The following PRDM16 variants were observed in gnomAD, a reference collection of about 807,000 sequenced individuals.
PRDM16 encodes the protein PR/SET domain 16, also known as histone-lysine N-methyltransferase PRDM16.
A neutral mutation model predicts 110.6 loss-of-function variants in PRDM16; 23 were observed. The observed-to-expected ratio is 0.21, with a 90% CI of 0.15 to 0.29. PRDM16 has a LOEUF of 0.29. Ranked by LOEUF, PRDM16 falls within the 10% of genes least tolerant of loss-of-function variation. The pLI, the probability that PRDM16 is intolerant of heterozygous loss-of-function variation, is 1.00. For synonymous variants in PRDM16, 799 were observed against 781.8 expected, an observed-to-expected ratio of 1.02 and a Z score of -0.37; for missense variants, 1,615 against 1,794.3, an observed-to-expected ratio of 0.90 and a Z score of 1.81.
chr1:3,209,389 A>G lies in PRDM16; in HGVS notation c.387+22915A>G, dbSNP rs925338989. On this transcript the variant is annotated intron_variant, in intron 2 of 16. Transcript: ENST00000270722. This position sits in a 1 kb window ranked among gnomAD's most constrained non-coding sequence, Gnocchi z 4.6. Reference sequence around the variant, plus strand: ...CCGACTGGCACACCTGCCCCGAGTCACCTGGGACGGACTGCAGCCAGCCAG... The same window carrying G: ...CCGACTGGCACACCTGCCCCGAGTCGCCTGGGACGGACTGCAGCCAGCCAG... Among the ~76,000 whole-genome samples, 1 of 152,126 alleles carries G rather than the reference A, an allele frequency of 6.6e-6. No individual in the cohort carries two copies. Among genetic ancestry groups the G allele is most frequent in the Non-Finnish European group, 1.5e-5 (1 of 68,030 alleles).
At chr1:3,238,920 C>T (rs546322080) in intron 2 of PRDM16, among the ~76,000 whole-genome samples, 40 of 151,904 alleles carry the variant, frequency 2.6e-4, no homozygotes, top group African/African-American at 9.2e-4. Context: ...CCCTGTTTCC[C>T]GTCTACACAG....
At chr1:3,260,892 G>C (rs1408510734) in intron 3 of PRDM16, among the ~76,000 whole-genome samples, 1 of 149,440 alleles carries the variant, frequency 6.7e-6, no homozygotes. Context: ...AAAGAGCCCA[G>C]GAAAGGGCAG....
intron 3 of PRDM16, among the ~76,000 whole-genome samples, chr1:3,348,146 C>A (rs1642399454): frequency 6.6e-6 from 1 of 152,214 alleles, no homozygotes; most frequent in Admixed American, 6.5e-5. Flanking sequence ...GTCTCCCCAA[C>A]CCACGTCCCA....
intron 3 of PRDM16, among the ~76,000 whole-genome samples, chr1:3,292,331 C>A (rs1344760270): frequency 1.3e-5 from 2 of 152,216 alleles, no homozygotes; most frequent in Non-Finnish European, 2.9e-5. Flanking sequence ...GCTTTCCAAA[C>A]CTGCTCATTT....
At position 3,339,343 on chromosome 1, in the gene PRDM16, G is replaced by A. The variant is rs144315269; in HGVS notation, c.439-45809G>A. 9.9e-5 allele frequency among the ~76,000 whole-genome samples: 15 copies of A among 152,178 alleles called. No individual in the cohort carries two copies. The South Asian group carries it at 1.9e-3, about 19-fold the overall frequency. Reference sequence around the variant, plus strand: ...AGGGTGAGGCACAGGGTGGGCCTCCGCGCATCCGTGCCCGGAAGCAGGAAC... The same window carrying A: ...AGGGTGAGGCACAGGGTGGGCCTCCACGCATCCGTGCCCGGAAGCAGGAAC... On this transcript the variant is annotated intron_variant, in intron 3 of 16. Transcript: ENST00000270722. This position sits in a 1 kb window ranked among gnomAD's most constrained non-coding sequence, Gnocchi z 5.0.
intron 4 of PRDM16, 127 bp from the exon 5 acceptor site, chr1:3,396,364 G>T: frequency 1.4e-6 from 1 of 712,522 alleles, no homozygotes; most frequent in Non-Finnish European, 2.6e-6. Flanking sequence ...CCCTCTTGGT[G>T]GCAATTAGAG....
chr1:3,342,753 TG>T (rs1642296678), intron 3 of PRDM16, among the ~76,000 whole-genome samples: 1 of 152,246 alleles, frequency 6.6e-6, no homozygotes, highest in Admixed American at 6.5e-5. Context: ...GGCACTGTTT[TG>T]TAGCCAGTTT....
chr1:3,212,338 GTGA>G (rs1464479903), intron 2 of PRDM16, among the ~76,000 whole-genome samples: 1 of 152,168 alleles, frequency 6.6e-6, no homozygotes, highest in Non-Finnish European at 1.5e-5. Flanking sequence ...GCCTTTTCAG[GTGA>G]TCTTGACACC....
intron 1 of PRDM16, among the ~76,000 whole-genome samples, chr1:3,141,977 C>A (rs1449343439): frequency 6.6e-6 from 1 of 152,266 alleles, no homozygotes; most frequent in South Asian, 2.1e-4. Flanking sequence ...CATGGTGCAC[C>A]GCGTTTCCGA....
rs200063940 is a variant in PRDM16 at position 3,409,090 on chromosome 1, CGT to C, written c.1187-2291_1187-2290del. 2.1e-3 allele frequency among the ~76,000 whole-genome samples: 299 copies of C among 141,654 alleles called. 1 individual carries two copies. The highest frequency in any genetic ancestry group is 3.3e-3 in the Non-Finnish European group (214 of 63,910). The allele number at this position is 141,654 out of a possible 152,430, so 92.9% of individuals were successfully genotyped here. A position where few individuals can be genotyped will look rare whatever the true frequency, so the allele number is the denominator to read the frequency against. ...GCACGTGACAGCGTGAGTGTGGGCG[CGT>C]GTCTGTGAGTGCGAGTGTGGGCGTG... On this transcript the variant is annotated intron_variant, in intron 8 of 16. Coordinates refer to ENST00000270722, the MANE Select transcript of PRDM16 (RefSeq NM_022114.4).
At chr1:3,266,728 TGCAACGGC>T (rs564117721) in intron 3 of PRDM16, among the ~76,000 whole-genome samples, 123 of 152,278 alleles carry the variant, frequency 8.1e-4, no homozygotes, top group African/African-American at 2.7e-3. Flanking sequence ...CAGGCTGGAG[TGCAACGGC>T]GCAATCTCAG....
At chr1:3,185,805 C>T (rs1448989948) in intron 1 of PRDM16, among the ~76,000 whole-genome samples, 1 of 152,226 alleles carries the variant, frequency 6.6e-6, no homozygotes, top group African/African-American at 2.4e-5. Context: ...TAGGGCAGGA[C>T]CACCCGGCGC....
chr1:3,330,292 G>A (rs1403316013), intron 3 of PRDM16, among the ~76,000 whole-genome samples: 1 of 152,182 alleles, frequency 6.6e-6, no homozygotes, highest in Non-Finnish European at 1.5e-5. Context: ...AGGAGGCCCC[G>A]GACTCTTCAG....
rs150504439 is a variant in PRDM16 at position 3,224,279 on chromosome 1, A to G, written c.388-19808A>G. On this transcript the variant is annotated intron_variant, in intron 2 of 16. Transcript: ENST00000270722. ...AAAAAAGCAATCAAATTCATAATTG[A>G]ACTCCATTGCATGAAACCAGCCAGA... Among the ~76,000 whole-genome samples the G allele has an allele frequency of 2.0e-3, 301 of 152,342 alleles. 1 individual carries two copies. The highest frequency in any genetic ancestry group is 3.5e-3 in the Non-Finnish European group (237 of 68,034).
chr1:3,356,323 C>T (rs953419517), intron 3 of PRDM16, among the ~76,000 whole-genome samples: 10 of 152,234 alleles, frequency 6.6e-5, no homozygotes, highest in South Asian at 2.1e-4. Flanking sequence ...CTGGCCAGGG[C>T]GGCCACTCTG....
chr1:3,082,004 T>C (rs1388928036), intron 1 of PRDM16, among the ~76,000 whole-genome samples: 1 of 152,208 alleles, frequency 6.6e-6, no homozygotes, highest in African/African-American at 2.4e-5. Flanking sequence ...ACCCCTGACA[T>C]GTGGAGGCTT....
intron 3 of PRDM16, among the ~76,000 whole-genome samples, chr1:3,336,517 C>T (rs951641995): frequency 2.0e-5 from 3 of 150,298 alleles, no homozygotes; most frequent in South Asian, 2.1e-4. Flanking sequence ...TATTCATGCA[C>T]TTGTATGTTG....
At chr1:3,394,848 A>AT (rs35210583) in intron 4 of PRDM16, among the ~76,000 whole-genome samples, 52,712 of 150,992 alleles carry the variant, frequency 0.35, 9,274 homozygotes, top group Admixed American at 0.39. Context: ...CCACTGTGTG[A>AT]TTTTTTTTTT....
At chr1:3,419,913 A>G (rs1283457622) in intron 12 of PRDM16, among the ~76,000 whole-genome samples, 2 of 151,366 alleles carry the variant, frequency 1.3e-5, no homozygotes, top group African/African-American at 2.4e-5. Context: ...GCCCTCCCCA[A>G]TTCACAGGCC....
Sources: allele counts gnomAD v4.1 joint callset (sites outside exome capture counted in the v4.1 genomes callset), GRCh38; gene constraint gnomAD v4.1.1; non-coding constraint Gnocchi (gnomAD v3.1); transcripts MANE v1.5; gene names NCBI Gene and HGNC (gene_info 2026-07-23, HGNC 2026-07-21).